MRPS28: variants seen among roughly 807,000 people sequenced by gnomAD.
The protein encoded by MRPS28 is small ribosomal subunit protein bS1m.
Under a neutral mutation model 10.8 loss-of-function variants are expected in MRPS28, and 7 were observed. That is an observed-to-expected ratio of 0.65 (90% CI 0.37 to 1.22). The LOEUF (loss-of-function observed/expected upper bound fraction) is 1.22. Ranked by LOEUF, MRPS28 falls within the 50% of genes most tolerant of loss-of-function variation. The pLI is 0.02. For missense variants in MRPS28, 265 were observed against 232.9 expected (o/e 1.14, Z -0.90); for synonymous variants, 121 against 93.3 (o/e 1.30, Z -1.71).
intron 2 of MRPS28, among the ~76,000 whole-genome samples, chr8:79,970,694 GAAC>G (rs892250517): frequency 1.6e-4 from 25 of 152,132 alleles, no homozygotes; most frequent in African/African-American, 6.0e-4. Flanking sequence ...AACCACTGCA[GAAC>G]AACCTACAGT....
At chr8:79,995,153 G>C (rs1808468580) in intron 2 of MRPS28, among the ~76,000 whole-genome samples, 1 of 152,200 alleles carries the variant, frequency 6.6e-6, no homozygotes, top group Non-Finnish European at 1.5e-5. Flanking sequence ...AGCAGGGATT[G>C]TCATTAGTCT....
chr8:79,954,260 GCCTC>G (rs1807149302), intron 2 of MRPS28, among the ~76,000 whole-genome samples: 4 of 151,934 alleles, frequency 2.6e-5, no homozygotes, highest in Non-Finnish European at 4.4e-5. Flanking sequence ...AAAAAATATA[GCCTC>G]TTTGGAAAAT....
At chr8:80,024,252 C>T (rs185993305) in intron 1 of MRPS28, among the ~76,000 whole-genome samples, 38 of 151,924 alleles carry the variant, frequency 2.5e-4, no homozygotes, top group African/African-American at 8.0e-4. Context: ...GATTTGGTTG[C>T]TACTCTAAAA....
chr8:79,934,130 A>G (rs1267887313), intron 2 of MRPS28, among the ~76,000 whole-genome samples: 1 of 152,188 alleles, frequency 6.6e-6, no homozygotes, highest in Non-Finnish European at 1.5e-5. Context: ...ATTGAAGGAA[A>G]TAAAAGAGAA....
At chr8:80,024,503 G>T (rs554145315) in intron 1 of MRPS28, among the ~76,000 whole-genome samples, 1 of 152,266 alleles carries the variant, frequency 6.6e-6, no homozygotes, top group Admixed American at 6.5e-5. Flanking sequence ...GGCTGCAGGG[G>T]AAAGTTCTTT....
At chr8:80,001,887 C>T (rs1276373221) in intron 2 of MRPS28, among the ~76,000 whole-genome samples, 2 of 152,058 alleles carry the variant, frequency 1.3e-5, no homozygotes, top group East Asian at 1.9e-4. Context: ...ACTCTGCATT[C>T]GGTGACATCA....
intron 1 of MRPS28, among the ~76,000 whole-genome samples, chr8:80,017,069 A>G (rs1054945993): frequency 1.3e-5 from 2 of 152,196 alleles, no homozygotes; most frequent in Admixed American, 6.5e-5. Flanking sequence ...ACACCTTAAC[A>G]AATTTAAAGG....
intron 2 of MRPS28, among the ~76,000 whole-genome samples, chr8:79,983,483 A>G (rs1258816724): frequency 4.6e-5 from 7 of 152,184 alleles, no homozygotes; most frequent in Non-Finnish European, 1.5e-5. Flanking sequence ...TCCGAGCTAC[A>G]GGAGGAAACC....
chr8:79,919,932 T>A (rs1375253708), intron 2 of MRPS28, among the ~76,000 whole-genome samples: 37 of 70,110 alleles, frequency 5.3e-4, no homozygotes, highest in South Asian at 2.0e-3. Flanking sequence ...TATCTCCTAA[T>A]GCTATCCCTC....
At chr8:79,991,397 T>C (rs973524400) in intron 2 of MRPS28, among the ~76,000 whole-genome samples, 3 of 152,172 alleles carry the variant, frequency 2.0e-5, no homozygotes, top group Non-Finnish European at 4.4e-5. Context: ...AAGCTAGCAC[T>C]AGGCCTAGCA....
At chr8:80,004,633 A>G (rs80191513) in intron 1 of MRPS28, among the ~76,000 whole-genome samples, 1 of 152,260 alleles carries the variant, frequency 6.6e-6, no homozygotes. Context: ...AAAGCTGGAC[A>G]GAGAATGACT....
chr8:79,993,230 C>A (rs1808413339), intron 2 of MRPS28, among the ~76,000 whole-genome samples: 1 of 152,222 alleles, frequency 6.6e-6, no homozygotes, highest in African/African-American at 2.4e-5. Flanking sequence ...TGTGGGAACA[C>A]TTAATTGCTT....
rs145368319 is a variant in MRPS28 at position 80,028,412 on chromosome 8, A to G, written c.213+1624T>C. Among the ~76,000 whole-genome samples, 995 of 152,020 alleles carry G rather than the reference A, an allele frequency of 6.5e-3. 9 individuals are homozygous for G. Among genetic ancestry groups the G allele is most frequent in the African/African-American group, 0.022 (926 of 41,428 alleles). On this transcript the variant is annotated intron_variant, in intron 1 of 2. Transcript: ENST00000276585. ...CCATCCCTTAGGTGGCTTCAGGTCA[A>G]TCATCGCTATTCTGCTAGTATTTTA...
intron 2 of MRPS28, among the ~76,000 whole-genome samples, chr8:79,970,516 A>C (rs1807605093): frequency 6.6e-6 from 1 of 152,178 alleles, no homozygotes; most frequent in African/African-American, 2.4e-5. Flanking sequence ...TTGCTCATCT[A>C]AATTCTGTCC....
chr8:79,993,063 A>C (rs1426820459), intron 2 of MRPS28, among the ~76,000 whole-genome samples: 2 of 152,328 alleles, frequency 1.3e-5, no homozygotes, highest in East Asian at 3.9e-4. Flanking sequence ...AATTAAGACA[A>C]AATTCAAAAG....
intron 2 of MRPS28, among the ~76,000 whole-genome samples, chr8:79,964,138 C>A (rs1238542391): frequency 6.6e-6 from 1 of 151,968 alleles, no homozygotes; most frequent in African/African-American, 2.4e-5. Flanking sequence ...TAATGTAGGC[C>A]ATTACTCAAC....
intron 2 of MRPS28, among the ~76,000 whole-genome samples, chr8:79,973,359 G>C (rs1267554813): frequency 1.3e-5 from 2 of 152,080 alleles, no homozygotes; most frequent in African/African-American, 4.8e-5. Flanking sequence ...CTATTTACAG[G>C]TTTGATCATA....
rs531445436 is a variant in MRPS28 at position 79,955,690 on chromosome 8, G to A, written c.396-36542C>T. On this transcript the variant is annotated intron_variant, in intron 2 of 2. Coordinates refer to ENST00000276585, the MANE Select transcript of MRPS28 (RefSeq NM_014018.3). ...ACTTCATAAAATCTGTGCCACTTAT[G>A]TAGCACTATGCAAGAAACTACTCCA... 2.6e-5 allele frequency among the ~76,000 whole-genome samples: 4 copies of A among 152,170 alleles called. No individual in the cohort carries two copies. The South Asian group carries it at 8.3e-4, about 32-fold the overall frequency.
intron 1 of MRPS28, among the ~76,000 whole-genome samples, chr8:80,007,967 C>G (rs1467952315): frequency 3.3e-5 from 5 of 152,192 alleles, no homozygotes; most frequent in Non-Finnish European, 5.9e-5. Flanking sequence ...ATTGCCAAGT[C>G]AATCCTAAGC....
Sources: allele counts gnomAD v4.1 joint callset (sites outside exome capture counted in the v4.1 genomes callset), GRCh38; gene constraint gnomAD v4.1.1; transcripts MANE v1.5; gene names NCBI Gene and HGNC (gene_info 2026-07-23, HGNC 2026-07-21).